Variants in STARD13 observed in about 807,000 individuals in gnomAD.
STARD13 encodes the protein stAR-related lipid transfer protein 13.
Under a neutral mutation model 106.4 loss-of-function variants are expected in STARD13, and 62 were observed. The ratio of observed to expected loss-of-function variants is 0.58; its 90% CI spans 0.48 to 0.72. The LOEUF is 0.72. Among genes scored for constraint, STARD13 ranks in the 30% least tolerant of loss-of-function variants. The pLI is 0.00. For synonymous variants in STARD13, 565 were observed against 553.0 expected, an observed-to-expected ratio of 1.02 and a Z score of -0.31; for missense variants, 1,387 against 1,424.0, an observed-to-expected ratio of 0.97 and a Z score of 0.42.
intron 1 of STARD13, among the ~76,000 whole-genome samples, chr13:33,249,540 A>C (rs550080760): frequency 6.6e-6 from 1 of 152,338 alleles, no homozygotes; most frequent in Non-Finnish European, 1.5e-5. Context: ...TTTGGTCATG[A>C]ATTTGCCAAT....
chr13:33,515,224 AAG>A, the STARD13 span, among the ~76,000 whole-genome samples: 1 of 152,194 alleles, frequency 6.6e-6, no homozygotes, highest in Non-Finnish European at 1.5e-5. Flanking sequence ...TACTCTAATG[AAG>A]AGTTATTATT....
intron 2 of STARD13, among the ~76,000 whole-genome samples, chr13:33,165,892 G>A (rs1883258941): frequency 1.3e-5 from 2 of 152,064 alleles, no homozygotes; most frequent in Non-Finnish European, 1.5e-5. Context: ...TTATCACTCT[G>A]GAGTATCAGC....
At chr13:33,316,026 T>C (rs1893320594) in intron 1 of STARD13, among the ~76,000 whole-genome samples, 1 of 152,218 alleles carries the variant, frequency 6.6e-6, no homozygotes, top group Non-Finnish European at 1.5e-5. Flanking sequence ...AACTCAGATC[T>C]ATGGAAGCAT....
chr13:33,236,013 A>G (rs766321598), intron 1 of STARD13, among the ~76,000 whole-genome samples: 3 of 152,202 alleles, frequency 2.0e-5, no homozygotes, highest in Non-Finnish European at 2.9e-5. Context: ...AGTTTACATA[A>G]ATACATAATG....
the STARD13 span, chr13:33,439,840 T>A: frequency 2.3e-6 from 1 of 426,634 alleles, no homozygotes; most frequent in Non-Finnish European, 4.0e-6. Flanking sequence ...CCTCCAGAAA[T>A]GAAAATAAAA....
the STARD13 span, among the ~76,000 whole-genome samples, chr13:33,600,729 A>T: frequency 6.6e-6 from 1 of 152,238 alleles, no homozygotes; most frequent in South Asian, 2.1e-4. Flanking sequence ...AATAAAAATT[A>T]TAAATCAGCT....
At chr13:33,210,986 T>G (rs1354712796) in intron 1 of STARD13, among the ~76,000 whole-genome samples, 1 of 152,160 alleles carries the variant, frequency 6.6e-6, no homozygotes, top group East Asian at 1.9e-4. Context: ...CATAAAGGAA[T>G]GAGAAAACAA....
chr13:33,288,382 T>G (rs1438187145), upstream of STARD13, among the ~76,000 whole-genome samples: 1 of 151,976 alleles, frequency 6.6e-6, no homozygotes, highest in Non-Finnish European at 1.5e-5. Context: ...GTGATTCTCT[T>G]GCCTCAGCCT....
intron 1 of STARD13, among the ~76,000 whole-genome samples, chr13:33,168,702 C>G (rs1241717126): frequency 6.9e-6 from 1 of 145,734 alleles, no homozygotes; most frequent in Non-Finnish European, 1.5e-5. Flanking sequence ...ACAGGGCGTT[C>G]TTGGGATCAC....
chr13:33,152,300 G>A (rs564476324), intron 3 of STARD13, among the ~76,000 whole-genome samples: 2 of 152,036 alleles, frequency 1.3e-5, no homozygotes, highest in Non-Finnish European at 2.9e-5. Context: ...TAGAATGGGA[G>A]TGGTGAGAGG....
intron 1 of STARD13, among the ~76,000 whole-genome samples, chr13:33,196,477 C>T (rs551420035): frequency 6.6e-6 from 1 of 152,076 alleles, no homozygotes; most frequent in Non-Finnish European, 1.5e-5. Flanking sequence ...TAGGAGGCGC[C>T]CTCACTGGAG....
the STARD13 span, among the ~76,000 whole-genome samples, chr13:33,643,709 T>G: frequency 5.9e-5 from 9 of 152,234 alleles, no homozygotes; most frequent in African/African-American, 1.7e-4. Context: ...GCATCCTCAC[T>G]TCCCCCCAGC....
At chr13:33,647,051 A>G in the STARD13 span, among the ~76,000 whole-genome samples, 165 of 152,268 alleles carry the variant, frequency 1.1e-3, no homozygotes, top group African/African-American at 3.6e-3. Flanking sequence ...ATGTTCCTTT[A>G]AGGAAGTCTT....
the STARD13 span, among the ~76,000 whole-genome samples, chr13:33,499,625 CTTCTTCTTCTTCTTCTTCTTCTCCTT>C: frequency 0.01 from 1,236 of 121,436 alleles, 65 homozygotes; most frequent in African/African-American, 0.019. Context: ...TCTTCTTCTT[CTTCTTCTTCTTCTTCTTCTTCTCCTT>C]CTTCTTCTTC....
chr13:33,265,007 A>C (rs137892156), intron 1 of STARD13, among the ~76,000 whole-genome samples: 218 of 152,324 alleles, frequency 1.4e-3, no homozygotes, highest in Non-Finnish European at 2.3e-3. Flanking sequence ...GAATGTGTGC[A>C]GGGGTGCTAA....
intron 13 of STARD13, among the ~76,000 whole-genome samples, chr13:33,106,156 A>G (rs1257370714): frequency 2.6e-5 from 4 of 152,238 alleles, no homozygotes; most frequent in African/African-American, 9.6e-5. Flanking sequence ...ACGGTGGCTC[A>G]TGTCTGTAGT....
chr13:33,168,980 C>A (rs1463822521), intron 1 of STARD13, among the ~76,000 whole-genome samples: 1 of 152,202 alleles, frequency 6.6e-6, no homozygotes, highest in Non-Finnish European at 1.5e-5. Context: ...CCCCGGAACG[C>A]CTGCCTCTTC....
Position 33,118,122 on chromosome 13 carries a change from G to A in STARD13, c.2224C>T (p.Leu742Phe). Residue 742 changes from leucine (L) to phenylalanine (F), a missense_variant, in exon 8 of 14, where the codon CTC becomes TTC. Transcript: ENST00000336934. The stretch of plus-strand genomic sequence containing the variant: ...TTGTTGGTGAAAAGAGGCTCAGGGA[G>A]GTCCCGGAAGAACTGTTTCACCATA... ...ADMVKQFFRD[L>F]PEPLFTNKLS... 5.0e-6 allele frequency: 8 copies of A among 1,614,208 alleles called. No homozygotes were observed. The highest frequency in any genetic ancestry group is 6.8e-6 in the Non-Finnish European group (8 of 1,180,044).
the STARD13 span, among the ~76,000 whole-genome samples, chr13:33,458,191 C>A: frequency 6.6e-6 from 1 of 151,980 alleles, no homozygotes; most frequent in South Asian, 2.1e-4. Context: ...TTAATGTGCT[C>A]ATTTCCTTAT....
Sources: gnomAD v4.1 joint callset for allele counts (sites outside exome capture counted in the v4.1 genomes callset) on GRCh38, gnomAD v4.1.1 for gene constraint, MANE v1.5 for transcripts, NCBI Gene and HGNC (gene_info 2026-07-23, HGNC 2026-07-21) for gene names.